PIN4: variants seen among roughly 807,000 people sequenced by gnomAD.
The protein encoded by PIN4 is peptidyl-prolyl cis-trans isomerase NIMA-interacting 4.
In PIN4, 3 loss-of-function variants were observed where a neutral mutation model predicts 8.3. The observed-to-expected ratio is 0.36, with a 90% CI of 0.16 to 0.93. The LOEUF is 0.93. Ranked by LOEUF, PIN4 falls within the 40% of genes least tolerant of loss-of-function variation. PIN4 has a pLI of 0.44. For missense variants in PIN4, 75 were observed against 100.6 expected (o/e 0.75, Z 1.09); for synonymous variants, 18 against 32.5 (o/e 0.55, Z 1.52).
At chrX:72,192,792 C>G (rs2042742742) in intron 2 of PIN4, among the ~76,000 whole-genome samples, 1 of 110,097 alleles carries the variant, frequency 9.1e-6, no homozygotes, top group Non-Finnish European at 1.9e-5. Context: ...AGATGGGGGT[C>G]TTACTATGTT....
chrX:72,256,708 G>A (rs2043112429), intron 3 of PIN4, among the ~76,000 whole-genome samples: 1 of 112,049 alleles, frequency 8.9e-6, no homozygotes, highest in Non-Finnish European at 1.9e-5. Context: ...AGCAAGTGTT[G>A]GTGGAGTAGG....
chrX:72,197,862 A>G lies in PIN4; in HGVS notation c.*336A>G. The G allele has an allele frequency of 1.3e-6, 1 of 769,802 alleles. No homozygotes were observed. The highest frequency in any genetic ancestry group is 1.2e-4 in the East Asian group (1 of 8,295). 63.4% of individuals were successfully genotyped at this position (769,802 alleles called of 1,213,427 possible). A position where few individuals can be genotyped will look rare whatever the true frequency, so the allele number is the denominator to read the frequency against. ...CAGAAACCATCTTCAGGGGAAGCAGATATCAACTCACACTATTCACACAAC... is the reference window on the plus strand; with the variant it reads ...CAGAAACCATCTTCAGGGGAAGCAGGTATCAACTCACACTATTCACACAAC... On this transcript the variant is annotated 3_prime_UTR_variant, in exon 4 of 4. Transcript: ENST00000373669.
chrX:72,202,002 G>A (rs146076709), downstream of PIN4, among the ~76,000 whole-genome samples: 6,146 of 112,601 alleles, frequency 0.055, 329 homozygotes, highest in African/African-American at 0.17. Flanking sequence ...GGTATACCCT[G>A]TGTAAATGGA....
At chrX:72,243,365 G>A (rs189644859) in intron 3 of PIN4, among the ~76,000 whole-genome samples, 13 of 110,108 alleles carry the variant, frequency 1.2e-4, no homozygotes, top group Admixed American at 3.9e-4. Context: ...TTTTAAAAGG[G>A]TGATAATGGT....
chrX:72,233,687 ACT>A (rs1467320509), intron 3 of PIN4, among the ~76,000 whole-genome samples: 1 of 102,954 alleles, frequency 9.7e-6, no homozygotes, highest in Non-Finnish European at 1.9e-5. Flanking sequence ...GCGCCACCAC[ACT>A]CCAGCCCGGA....
At chrX:72,247,588 GC>G (rs1258991601) in intron 3 of PIN4, among the ~76,000 whole-genome samples, 1 of 112,482 alleles carries the variant, frequency 8.9e-6, no homozygotes, top group Non-Finnish European at 1.9e-5. Flanking sequence ...AATAGGCGTG[GC>G]CTTTTTCCCT....
intron 2 of PIN4, among the ~76,000 whole-genome samples, chrX:72,192,986 C>T (rs1178328292): frequency 7.2e-5 from 8 of 111,157 alleles, no homozygotes; most frequent in Non-Finnish European, 1.3e-4. Context: ...CTCCTCTTCT[C>T]ATTTTCATCT....
intron 3 of PIN4, among the ~76,000 whole-genome samples, chrX:72,214,902 G>A (rs1028713812): frequency 2.8e-5 from 3 of 106,839 alleles, no homozygotes; most frequent in Admixed American, 2.0e-4. Context: ...CAGGAAAATC[G>A]CTTGAACTCA....
chrX:72,238,993 G>A (rs2043035254), intron 3 of PIN4: 5 of 979,262 alleles, frequency 5.1e-6, no homozygotes, highest in Non-Finnish European at 7.0e-6. Context: ...CTTAGAGTTT[G>A]GAGCTTGAAT....
chrX:72,222,742 C>A (rs750979682), intron 3 of PIN4, among the ~76,000 whole-genome samples: 1 of 108,956 alleles, frequency 9.2e-6, no homozygotes, highest in Non-Finnish European at 1.9e-5. Context: ...GGATTACAGG[C>A]GCGTGTCACC....
At chrX:72,241,183 G>T (rs2043047739) in intron 3 of PIN4, among the ~76,000 whole-genome samples, 1 of 111,592 alleles carries the variant, frequency 9.0e-6, no homozygotes, top group African/African-American at 3.3e-5. Context: ...ATTGGGCTGT[G>T]CTATGGTCTG....
At chrX:72,224,746 AAAAC>A (rs1014408205) in intron 3 of PIN4, among the ~76,000 whole-genome samples, 3 of 111,391 alleles carry the variant, frequency 2.7e-5, no homozygotes, top group East Asian at 2.8e-4. Context: ...ACTCTGTCTC[AAAAC>A]AAACAAACAA....
At chrX:72,261,296 G>GA (rs754002557) in intron 3 of PIN4, among the ~76,000 whole-genome samples, 5,432 of 45,767 alleles carry the variant, frequency 0.12, 291 homozygotes, top group East Asian at 0.45. Context: ...CTCCGTCTCA[G>GA]AAAAAAAAAA....
At chrX:72,241,332 T>C (rs762928628) in intron 3 of PIN4, among the ~76,000 whole-genome samples, 69 of 110,969 alleles carry the variant, frequency 6.2e-4, no homozygotes, top group African/African-American at 2.2e-3. Flanking sequence ...TGGAGGGAGC[T>C]AGTTTAGGCC....
chrX:72,249,924 A>T (rs988161209), intron 3 of PIN4, among the ~76,000 whole-genome samples: 2 of 111,025 alleles, frequency 1.8e-5, no homozygotes, highest in African/African-American at 6.6e-5. Flanking sequence ...ACTCATGCCC[A>T]GGCCTCACCC....
At chrX:72,262,223 G>A (rs1016372731) in intron 3 of PIN4, among the ~76,000 whole-genome samples, 1 of 112,285 alleles carries the variant, frequency 8.9e-6, no homozygotes, top group African/African-American at 3.2e-5. Context: ...AGTTCTTAGC[G>A]CTCTGCTGAG....
chrX:72,187,091 C>T (rs961072848), intron 2 of PIN4, among the ~76,000 whole-genome samples: 2 of 111,713 alleles, frequency 1.8e-5, no homozygotes, highest in Non-Finnish European at 3.8e-5. Flanking sequence ...TAAGTTAGAT[C>T]TTCCCAGTAA....
intron 1 of PIN4, among the ~76,000 whole-genome samples, chrX:72,185,191 C>T (rs776373507): frequency 7.8e-5 from 8 of 102,417 alleles, no homozygotes; most frequent in Non-Finnish European, 1.4e-4. Context: ...CTCCCTATTA[C>T]GTCTAGGATA....
chrX:72,192,023 C>T (rs2042737523), intron 2 of PIN4, among the ~76,000 whole-genome samples: 1 of 110,932 alleles, frequency 9.0e-6, no homozygotes, highest in Non-Finnish European at 1.9e-5. Context: ...GCGATCTTGG[C>T]TCACTGCAAC....
Sources: allele counts gnomAD v4.1 joint callset (sites outside exome capture counted in the v4.1 genomes callset), GRCh38; gene constraint gnomAD v4.1.1; transcripts MANE v1.5; gene names NCBI Gene and HGNC (gene_info 2026-07-23, HGNC 2026-07-21).